The following STK10 variants were observed in gnomAD, a reference collection of about 807,000 sequenced individuals.
STK10 encodes serine/threonine kinase 10, also known as serine/threonine-protein kinase 10.
Under a neutral mutation model 113.8 loss-of-function variants are expected in STK10, and 78 were observed. The observed-to-expected ratio is 0.69, with a 90% CI of 0.57 to 0.83. The LOEUF (loss-of-function observed/expected upper bound fraction) is 0.83, where lower values mean the gene tolerates loss of function less well. STK10 is among the 40% of genes least tolerant of loss of function. The pLI is 0.00. For synonymous variants in STK10, 465 were observed against 494.7 expected, an observed-to-expected ratio of 0.94 and a Z score of 0.80; for missense variants, 1,109 against 1,280.1, an observed-to-expected ratio of 0.87 and a Z score of 2.04.
chr5:172,142,023 A>G (rs1769982956), intron 2 of STK10, among the ~76,000 whole-genome samples: 1 of 152,178 alleles, frequency 6.6e-6, no homozygotes, highest in Non-Finnish European at 1.5e-5. Context: ...CACTGGGAAT[A>G]CAGCAGTGAA....
Position 172,127,099 on chromosome 5 carries a change from C to T in STK10, c.370+274G>A, listed in dbSNP as rs556726616. Among the ~76,000 whole-genome samples, 6 of 152,152 alleles carry T rather than the reference C, an allele frequency of 3.9e-5. 1 individual carries two copies. The highest frequency in any genetic ancestry group is 4.2e-4 in the South Asian group (2 of 4,810). ...AGGAGAGTCATTTGAACCCGGGAGG[C>T]GGAGGCTGCAGTGAGTGAGCTGAGA... On this transcript the variant is annotated intron_variant, in intron 3 of 18. Transcript: ENST00000176763.
At chr5:172,179,616 G>T (rs1420199539) in intron 1 of STK10, among the ~76,000 whole-genome samples, 2 of 110,542 alleles carry the variant, frequency 1.8e-5, no homozygotes, top group African/African-American at 1.0e-4. Flanking sequence ...GCCCCACGCA[G>T]AAGCCGAAGG....
chr5:172,160,911 C>A (rs933507350), intron 1 of STK10, among the ~76,000 whole-genome samples: 5 of 152,168 alleles, frequency 3.3e-5, no homozygotes, highest in Admixed American at 2.0e-4. Flanking sequence ...TGTACAAGGT[C>A]TCCCTACAAT....
chr5:172,171,835 C>G (rs1282772655), intron 1 of STK10, among the ~76,000 whole-genome samples: 1 of 152,186 alleles, frequency 6.6e-6, no homozygotes, highest in South Asian at 2.1e-4. Flanking sequence ...TTCTTCCATA[C>G]TTTACAAAAT....
intron 12 of STK10, among the ~76,000 whole-genome samples, chr5:172,067,831 T>C (rs1768101841): frequency 6.6e-6 from 1 of 151,980 alleles, no homozygotes; most frequent in Non-Finnish European, 1.5e-5. Flanking sequence ...ATGGGAAAAT[T>C]ATCAAAAGCT....
In STK10 at chr5:172,082,436, T is replaced by A. The variant is rs150715921; in HGVS notation, c.1879A>T (p.Met627Leu). ...ERQQKQQVEK[M>L]EQDHAVRRRE... The stretch of plus-strand genomic sequence containing the variant: ...CGGCGCACGGCATGGTCTTGCTCCA[T>A]CTTCTCCACTTGCTGCTTTTGCTGA... The change falls in exon 12 of 19, where the codon ATG becomes TTG. Residue 627 changes from methionine (M) to leucine (L), a missense_variant. Physicochemically the swap from Met to Leu is conservative, Grantham distance 15 (BLOSUM62 2). Transcript: ENST00000176763. This position sits in a 1 kb window ranked among gnomAD's most constrained non-coding sequence, Gnocchi z 4.3. 100 of 1,611,714 alleles carry A rather than the reference T, an allele frequency of 6.2e-5. No individual in the cohort carries two copies. In the Middle Eastern group the frequency reaches 6.6e-4, roughly 11 times the overall value.
At chr5:172,107,285 AAC>A (rs1254520745) in intron 5 of STK10, among the ~76,000 whole-genome samples, 2 of 152,214 alleles carry the variant, frequency 1.3e-5, no homozygotes, top group Non-Finnish European at 2.9e-5. Context: ...AAACACGGCA[AAC>A]AGAGAGTAGT....
chr5:172,064,840 G>A (rs371938903), intron 12 of STK10, 28 bp from the exon 13 acceptor site: 3 of 1,610,758 alleles, frequency 1.9e-6, no homozygotes, highest in South Asian at 1.1e-5. Context: ...GAGAGTAGCT[G>A]GGTCAGGGTC....
At chr5:172,103,702 C>T (rs1418535270) in intron 7 of STK10, among the ~76,000 whole-genome samples, 2 of 151,974 alleles carry the variant, frequency 1.3e-5, no homozygotes, top group Non-Finnish European at 2.9e-5. Context: ...CAACTGTGAC[C>T]CCCCACCCCC....
chr5:172,118,704 C>A (rs1179961931), intron 3 of STK10, among the ~76,000 whole-genome samples: 1 of 151,792 alleles, frequency 6.6e-6, no homozygotes, highest in Non-Finnish European at 1.5e-5. Context: ...CATGATGAAA[C>A]CTTGTCTCTA....
chr5:172,089,393 C>CATGGATGG lies in STK10; in HGVS notation c.1685+831_1685+838dup, dbSNP rs5873300. Among the ~76,000 whole-genome samples, 689 of 132,992 alleles carry CATGGATGG rather than the reference C, an allele frequency of 5.2e-3. 6 individuals carry two copies. The highest frequency in any genetic ancestry group is 0.02 in the African/African-American group (626 of 31,076). 87.2% of individuals were successfully genotyped at this position (132,992 alleles called of 152,430 possible). A position where few individuals can be genotyped will look rare whatever the true frequency, so the allele number is the denominator to read the frequency against. On this transcript the variant is annotated intron_variant, in intron 10 of 18. Coordinates refer to ENST00000176763, the MANE Select transcript of STK10 (RefSeq NM_005990.4). ...CTCCAACCTGGTGGGTTGGTGGATA[C>CATGGATGG]ATGGATGGATGGATGGATGGATGGA... is the stretch of plus-strand genomic sequence containing the variant.
chr5:172,105,787 G>T (rs747546393), intron 6 of STK10, 50 bp from the exon 7 acceptor site: 1 of 1,544,256 alleles, frequency 6.5e-7, no homozygotes, highest in Non-Finnish European at 8.9e-7. Flanking sequence ...AGAGCAGAGA[G>T]AAGCCCCCCA....
intron 10 of STK10, among the ~76,000 whole-genome samples, chr5:172,088,743 C>G (rs1007795287): frequency 2.6e-4 from 39 of 152,144 alleles, no homozygotes; most frequent in Non-Finnish European, 8.8e-5. Context: ...TTCTCACACA[C>G]ACAGACCCAG....
Position 172,090,218 on chromosome 5 carries a change from C to A in STK10, c.1685+14G>T. On this transcript the variant is annotated intron_variant, in intron 10 of 18. Transcript: ENST00000176763. ...CACCCTGTTACCACCATTGGTGGCCCTTCCCAGGCTTGCCTGAGAAATCTC... is the reference window on the plus strand; with the variant it reads ...CACCCTGTTACCACCATTGGTGGCCATTCCCAGGCTTGCCTGAGAAATCTC... 3.7e-6 allele frequency: 6 copies of A among 1,613,576 alleles called. No homozygotes were observed. The highest frequency in any genetic ancestry group is 5.1e-6 in the Non-Finnish European group (6 of 1,179,774).
intron 4 of STK10, among the ~76,000 whole-genome samples, chr5:172,114,289 C>CGT (rs111441878): frequency 0.089 from 12,321 of 138,678 alleles, 633 homozygotes; most frequent in African/African-American, 0.16. Context: ...TAGCTACTCT[C>CGT]GTGTGTGTGT....
At chr5:172,100,306 A>C (rs904517248) in intron 7 of STK10, among the ~76,000 whole-genome samples, 2 of 152,184 alleles carry the variant, frequency 1.3e-5, no homozygotes, top group African/African-American at 4.8e-5. Context: ...CCTTCCCCCC[A>C]GTAAGAGGCA....
chr5:172,106,591 C>G (rs1338841234), intron 6 of STK10, 29 bp downstream of exon 6: 7 of 1,599,088 alleles, frequency 4.4e-6, no homozygotes, highest in East Asian at 2.2e-5. Context: ...GCAGGCACCC[C>G]GGCAGGTGGC....
rs191442910 is a variant in STK10 at position 172,172,060 on chromosome 5, C to T, written c.157-15272G>A. On this transcript the variant is annotated intron_variant, in intron 1 of 18. Coordinates refer to ENST00000176763, the MANE Select transcript of STK10 (RefSeq NM_005990.4). ...ACAAAATTAGCCAGGCATGGTGGCA[C>T]GCACCTATAGTCCCAGCTACTCGGG... Among the ~76,000 whole-genome samples the T allele has an allele frequency of 1.6e-3, 249 of 152,140 alleles. 2 individuals are homozygous for T. Among genetic ancestry groups the T allele is most frequent in the African/African-American group, 5.7e-3 (235 of 41,506 alleles).
chr5:172,159,880 G>A (rs1452247110), intron 1 of STK10, among the ~76,000 whole-genome samples: 1 of 152,216 alleles, frequency 6.6e-6, no homozygotes, highest in Non-Finnish European at 1.5e-5. Flanking sequence ...GCTCATGCCT[G>A]TAATCCCAGC....
Sources: allele counts gnomAD v4.1 joint callset (sites outside exome capture counted in the v4.1 genomes callset), GRCh38; gene constraint gnomAD v4.1.1; non-coding constraint Gnocchi (gnomAD v3.1); transcripts MANE v1.5; gene names NCBI Gene and HGNC (gene_info 2026-07-23, HGNC 2026-07-21).